SLC39A9: variants seen among roughly 807,000 people sequenced by gnomAD.
SLC39A9 encodes the protein solute carrier family 39 member 9.
Under a neutral mutation model 28.4 loss-of-function variants are expected in SLC39A9, and 14 were observed. The ratio of observed to expected loss-of-function variants is 0.49; its 90% CI spans 0.33 to 0.77. The LOEUF is 0.77. Among genes scored for constraint, SLC39A9 ranks in the 30% least tolerant of loss-of-function variants. The pLI is 0.02. For synonymous variants in SLC39A9, 119 were observed against 149.6 expected (o/e 0.80, Z 1.49); for missense variants, 283 against 381.1 (o/e 0.74, Z 2.14).
intron 2 of SLC39A9, among the ~76,000 whole-genome samples, chr14:69,436,118 T>G (rs2140289675): frequency 6.6e-6 from 1 of 151,456 alleles, no homozygotes; most frequent in African/African-American, 2.4e-5. Context: ...TTTTTACCTT[T>G]CGGCCAGGCG....
chr14:69,434,605 G>A (rs924946816), intron 2 of SLC39A9, among the ~76,000 whole-genome samples: 6 of 152,036 alleles, frequency 3.9e-5, no homozygotes, highest in Admixed American at 6.5e-5. Flanking sequence ...GGAGGCTGAG[G>A]CTGCAGTGAG....
intron 1 of SLC39A9, among the ~76,000 whole-genome samples, chr14:69,407,302 CCCTT>C (rs774804877): frequency 0.01 from 1,446 of 143,914 alleles, 18 homozygotes; most frequent in African/African-American, 0.028. Flanking sequence ...TCCCTTCCTT[CCCTT>C]CCTTCCTTCC....
intron 1 of SLC39A9, among the ~76,000 whole-genome samples, chr14:69,412,321 G>A (rs1450424246): frequency 1.3e-5 from 2 of 151,386 alleles, no homozygotes; most frequent in African/African-American, 4.8e-5. Flanking sequence ...CCCGGGAGGC[G>A]GAGCTTGCAG....
intron 1 of SLC39A9, among the ~76,000 whole-genome samples, chr14:69,413,297 A>AGT (rs1594907330): frequency 6.6e-6 from 1 of 152,110 alleles, no homozygotes; most frequent in East Asian, 1.9e-4. Flanking sequence ...TGGAGCTTGC[A>AGT]GTGAGCCAAG....
intron 2 of SLC39A9, among the ~76,000 whole-genome samples, chr14:69,441,381 T>G (rs1030406827): frequency 6.6e-6 from 1 of 152,230 alleles, no homozygotes; most frequent in Non-Finnish European, 1.5e-5. Flanking sequence ...ATAAGCTTTT[T>G]GGCCTTTTGA....
chr14:69,436,520 A>C (rs1386208504), intron 2 of SLC39A9, among the ~76,000 whole-genome samples: 1 of 152,142 alleles, frequency 6.6e-6, no homozygotes, highest in Non-Finnish European at 1.5e-5. Flanking sequence ...CAGGAAGTTA[A>C]CCTATTTAGA....
At chr14:69,447,369 T>G (rs1885379532) in intron 3 of SLC39A9, among the ~76,000 whole-genome samples, 1 of 152,190 alleles carries the variant, frequency 6.6e-6, no homozygotes, top group Non-Finnish European at 1.5e-5. Flanking sequence ...GTGCATTTCC[T>G]ATTTTTACTG....
At chr14:69,423,402 C>T (rs1884005325) in intron 1 of SLC39A9, among the ~76,000 whole-genome samples, 4 of 152,168 alleles carry the variant, frequency 2.6e-5, no homozygotes, top group Non-Finnish European at 5.9e-5. Flanking sequence ...CATCTTTGCA[C>T]AATTCTTTCT....
At chr14:69,426,591 C>T (rs539552342) in intron 2 of SLC39A9, among the ~76,000 whole-genome samples, 2 of 152,294 alleles carry the variant, frequency 1.3e-5, no homozygotes, top group East Asian at 3.9e-4. Context: ...TCCCTGAACC[C>T]TGTCCTCTTG....
At chr14:69,450,968 T>C (rs1448646277) in intron 3 of SLC39A9, among the ~76,000 whole-genome samples, 2 of 152,232 alleles carry the variant, frequency 1.3e-5, no homozygotes, top group Non-Finnish European at 2.9e-5. Flanking sequence ...GTCAATAAAA[T>C]GTATTTATTA....
At position 69,458,900 on chromosome 14, in the gene SLC39A9, A is replaced by G. The variant is rs1885992516; in HGVS notation, c.*307A>G. ...GAAGATGGAATTTAGTTTTAAGGAA[A>G]AGAGGAGAACTTCATACTCACAATG... On this transcript the variant is annotated 3_prime_UTR_variant, in exon 7 of 7. Coordinates refer to ENST00000336643, the MANE Select transcript of SLC39A9 (RefSeq NM_018375.5). 1 of 1,095,916 alleles carries G rather than the reference A, an allele frequency of 9.1e-7. No homozygotes were observed. Among genetic ancestry groups the G allele is most frequent in the East Asian group, 5.4e-5 (1 of 18,384 alleles). The allele number at this position is 1,095,916 out of a possible 1,614,324, so 67.9% of individuals were successfully genotyped here.
Position 69,454,831 on chromosome 14 carries a change from A to G in SLC39A9, c.492A>G (p.Gly164=). Residue 164 remains glycine, a synonymous_variant, in exon 5 of 7, where the codon GGA becomes GGG. Coordinates refer to ENST00000336643, the MANE Select transcript of SLC39A9 (RefSeq NM_018375.5). ...ATATAGCTGATGGTGTTGCTTTGGG[A>G]GCAGCAGCATCTACTTCACAGACCA... ...VHAAADGVAL[G]AAASTSQTSV... is the part of the protein sequence containing the mutation. 2 of 1,613,850 alleles carry G rather than the reference A, an allele frequency of 1.2e-6. No individual in the cohort carries two copies. The highest frequency in any genetic ancestry group is 1.7e-6 in the Non-Finnish European group (2 of 1,179,844).
chr14:69,461,780 G>A lies in SLC39A9; in HGVS notation c.*3187G>A, dbSNP rs537771501. The A allele has an allele frequency of 2.0e-5, 30 of 1,526,402 alleles. No individual in the cohort carries two copies. The highest frequency in any genetic ancestry group is 1.7e-4 in the Middle Eastern group (1 of 5,880). 94.6% of individuals were successfully genotyped at this position (1,526,402 alleles called of 1,614,324 possible). On this transcript the variant is annotated 3_prime_UTR_variant, in exon 7 of 7. Transcript: ENST00000336643. ...TAGCTAGGGACTGAACACAGGAACCGTATGACAGCAGCACAAACCCCCAAA... is the reference window on the plus strand; with the variant it reads ...TAGCTAGGGACTGAACACAGGAACCATATGACAGCAGCACAAACCCCCAAA...
At chr14:69,433,554 A>G (rs953532840) in intron 2 of SLC39A9, among the ~76,000 whole-genome samples, 2 of 152,292 alleles carry the variant, frequency 1.3e-5, no homozygotes, top group East Asian at 1.9e-4. Context: ...TGAATTTGCA[A>G]TCTTGGCCTG....
At position 69,459,027 on chromosome 14, in the gene SLC39A9, C is replaced by G; in HGVS notation, c.*434C>G. 1 of 991,394 alleles carries G rather than the reference C, an allele frequency of 1.0e-6. No individual in the cohort carries two copies. The highest frequency in any genetic ancestry group is 1.2e-6 in the Non-Finnish European group (1 of 832,872). The allele number at this position is 991,394 out of a possible 1,614,324, so 61.4% of individuals were successfully genotyped here. A position where few individuals can be genotyped will look rare whatever the true frequency, so the allele number is the denominator to read the frequency against. ...TTATCCATTGATTTTTAACATGGTT[C>G]CCACCATGTAAGACTGGTGCTTTAG... On this transcript the variant is annotated 3_prime_UTR_variant, in exon 7 of 7. Transcript: ENST00000336643.
At chr14:69,414,670 T>C (rs1175340061) in intron 1 of SLC39A9, among the ~76,000 whole-genome samples, 1 of 152,192 alleles carries the variant, frequency 6.6e-6, no homozygotes, top group Non-Finnish European at 1.5e-5. Flanking sequence ...AAGGTACAGA[T>C]CTTAATATAG....
At chr14:69,446,684 C>G (rs1172800832) in intron 3 of SLC39A9, among the ~76,000 whole-genome samples, 1 of 151,576 alleles carries the variant, frequency 6.6e-6, no homozygotes, top group African/African-American at 2.4e-5. Flanking sequence ...ACCAGCCTGG[C>G]CAACATGGTG....
chr14:69,436,675 C>A (rs1294502397), intron 2 of SLC39A9, among the ~76,000 whole-genome samples: 1 of 152,032 alleles, frequency 6.6e-6, no homozygotes, highest in Non-Finnish European at 1.5e-5. Context: ...GGACTTGTGC[C>A]GTTTATACAT....
At chr14:69,411,616 C>T (rs1328477814) in intron 1 of SLC39A9, among the ~76,000 whole-genome samples, 3 of 151,996 alleles carry the variant, frequency 2.0e-5, no homozygotes, top group African/African-American at 7.3e-5. Flanking sequence ...AGTGATTTAC[C>T]ATAAGCAAAA....
Sources: gnomAD v4.1 joint callset for allele counts (sites outside exome capture counted in the v4.1 genomes callset) on GRCh38, gnomAD v4.1.1 for gene constraint, MANE v1.5 for transcripts, NCBI Gene and HGNC (gene_info 2026-07-23, HGNC 2026-07-21) for gene names.